Variants in ZFP69 observed in about 807,000 individuals in gnomAD.
The protein encoded by ZFP69 is ZFP69 zinc finger protein.
ZFP69 carries 35 observed loss-of-function variants against 48.9 expected under a neutral mutation model. The observed-to-expected ratio is 0.72, with a 90% confidence interval of 0.55 to 0.95. The LOEUF (loss-of-function observed/expected upper bound fraction) is 0.95. Among genes scored for constraint, ZFP69 ranks in the 40% least tolerant of loss-of-function variants. ZFP69 has a pLI of 0.00. For missense variants in ZFP69, 557 were observed against 638.4 expected (o/e 0.87, Z 1.37); for synonymous variants, 193 against 216.8 (o/e 0.89, Z 0.96).
intron 3 of ZFP69, among the ~76,000 whole-genome samples, chr1:40,483,434 T>G (rs1296704842): frequency 2.0e-5 from 3 of 151,984 alleles, no homozygotes; most frequent in Non-Finnish European, 4.4e-5. Context: ...CTTACTATGT[T>G]GTCCAACTGG....
chr1:40,490,952 G>A (rs1645561648), intron 5 of ZFP69: 6 of 152,178 alleles, frequency 3.9e-5, no homozygotes, highest in Admixed American at 2.0e-4. Context: ...CCTAGACTAA[G>A]AAATGAAACA....
At chr1:40,480,032 TGTG>T (rs1645428023) in intron 2 of ZFP69, among the ~76,000 whole-genome samples, 1 of 152,076 alleles carries the variant, frequency 6.6e-6, no homozygotes, top group Non-Finnish European at 1.5e-5. Flanking sequence ...ATGTGTCTCA[TGTG>T]GTGTTTTAAT....
chr1:40,479,587 G>C, intron 2 of ZFP69, 99 bp downstream of exon 2: 7,040 of 969,550 alleles, frequency 7.3e-3, no homozygotes, highest in Non-Finnish European at 8.6e-3. Context: ...GGGAGAGAAG[G>C]TCTCTGGGGG....
intron 4 of ZFP69, 48 bp downstream of exon 4, chr1:40,489,262 A>G (rs1645538388): frequency 6.3e-7 from 1 of 1,593,762 alleles, no homozygotes; most frequent in Admixed American, 1.8e-5. Context: ...ATTACAGGAG[A>G]GTCATTATTT....
chr1:40,481,048 C>G (rs751714545), intron 2 of ZFP69, among the ~76,000 whole-genome samples: 13 of 152,176 alleles, frequency 8.5e-5, no homozygotes, highest in Non-Finnish European at 1.9e-4. Context: ...ACCTCGTGAT[C>G]CACCTGCCTC....
intron 3 of ZFP69, among the ~76,000 whole-genome samples, chr1:40,488,589 C>T (rs1287311992): frequency 1.3e-5 from 2 of 152,224 alleles, no homozygotes; most frequent in Admixed American, 6.5e-5. Flanking sequence ...ATCAACCAGC[C>T]TACCTCCAGC....
At chr1:40,489,385 C>G in intron 4 of ZFP69, 144 bp from the exon 5 acceptor site, 1 of 1,116,886 alleles carries the variant, frequency 9.0e-7, no homozygotes, top group Admixed American at 2.6e-5. Context: ...TCTTGGGGAA[C>G]AACTTTACTA....
At chr1:40,483,398 TA>T (rs1264689388) in intron 3 of ZFP69, among the ~76,000 whole-genome samples, 1 of 151,560 alleles carries the variant, frequency 6.6e-6, no homozygotes, top group African/African-American at 2.4e-5. Flanking sequence ...CTTTGCCAAT[TA>T]AAAAAATGAC....
Position 40,495,780 on chromosome 1 carries a change from T to C in ZFP69, c.1302T>C (p.Thr434=). The change falls in exon 6 of 6, where the codon ACT becomes ACC. Residue 434 remains threonine, a synonymous_variant. Transcript: ENST00000372706. ...TAACACATCACCAGAGAATCCATAC[T>C]GGGGAGAGACCCTACAAATGTAAAG... ...AYLTHHQRIH[T]GERPYKCKEC... 1.2e-6 allele frequency: 2 copies of C among 1,614,206 alleles called. No individual in the cohort carries two copies. Among genetic ancestry groups the C allele is most frequent in the Non-Finnish European group, 1.7e-6 (2 of 1,180,016 alleles).
At chr1:40,489,454 A>G in intron 4 of ZFP69, 75 bp from the exon 5 acceptor site, 1 of 1,376,858 alleles carries the variant, frequency 7.3e-7, no homozygotes, top group Non-Finnish European at 1.0e-6. Flanking sequence ...TGAATACCAG[A>G]AGACTCAAAA....
Position 40,495,273 on chromosome 1 carries a change from C to CAAAACCA in ZFP69, c.796_797insAAACCAA (p.Ile266LysfsTer9). On this transcript the variant is annotated frameshift_variant, in exon 6 of 6. Coordinates refer to ENST00000372706, the MANE Select transcript of ZFP69 (RefSeq NM_001320179.2). LOFTEE classifies it high-confidence loss of function. ...ATTTGATTAATCATCCAACAAGTTA[C>CAAAACCA]ATAAGAACAAAAACCTATGAATGTA... is the stretch of plus-strand genomic sequence containing the variant. The CAAAACCA allele has an allele frequency of 6.2e-7, 1 of 1,613,938 alleles. No homozygotes were observed. The highest frequency in any genetic ancestry group is 1.1e-5 in the South Asian group (1 of 91,072).
chr1:40,495,392 G>A lies in ZFP69; in HGVS notation c.914G>A (p.Gly305Glu). 1 of 1,614,192 alleles carries A rather than the reference G, an allele frequency of 6.2e-7. No individual in the cohort carries two copies. Among genetic ancestry groups the A allele is most frequent in the Non-Finnish European group, 8.5e-7 (1 of 1,180,036 alleles). The change falls in exon 6 of 6, where the codon GGA (glycine) becomes GAA (glutamate). Residue 305 changes from glycine (G) to glutamate (E), a missense_variant. Transcript: ENST00000372706. The stretch of plus-strand genomic sequence containing the variant: ...AAACCTTTCAGATGTAAGGAATGTG[G>A]AAGGGCCTTTAGTCAAAGTGCATCC... Reference protein sequence around the residue: ...GEKPFRCKECGRAFSQSASLS... With the variant: ...GEKPFRCKECERAFSQSASLS...
intron 2 of ZFP69, among the ~76,000 whole-genome samples, 179 bp from the exon 3 acceptor site, chr1:40,481,584 A>G (rs1284595280): frequency 6.6e-6 from 1 of 152,170 alleles, no homozygotes; most frequent in Non-Finnish European, 1.5e-5. Context: ...TTAATGCCCA[A>G]AGCGACTTGC....
chr1:40,479,382 C>A lies in ZFP69; in HGVS notation c.21C>A (p.Ile7=), dbSNP rs755922042. 2 of 1,614,046 alleles carry A rather than the reference C, an allele frequency of 1.2e-6. No homozygotes were observed. Residue 7 remains isoleucine (I), a synonymous_variant, in exon 2 of 6, where the codon ATC becomes ATA. Coordinates refer to ENST00000372706, the MANE Select transcript of ZFP69 (RefSeq NM_001320179.2). MPQQLL[I]TLPTEASTWV... ...GCATCATGCCACAGCAGCTCCTGATCACCCTGCCTACCGAGGCCAGCACCT... is the reference window on the plus strand; with the variant it reads ...GCATCATGCCACAGCAGCTCCTGATAACCCTGCCTACCGAGGCCAGCACCT...
Position 40,479,565 on chromosome 1 carries a change from TGGAGAGAAGGAG to T in ZFP69, c.127+88_127+99del, listed in dbSNP as rs1396247056. ...AAGATAGGTACACACTTCATTGAAG[TGGAGAGAAGGAG>T]GGAGAGAAGGTCTCTGGGGGTTCAT... is the stretch of plus-strand genomic sequence containing the variant. On this transcript the variant is annotated intron_variant, in intron 2 of 5. Coordinates refer to ENST00000372706, the MANE Select transcript of ZFP69 (RefSeq NM_001320179.2). The T allele has an allele frequency of 3.4e-6, 5 of 1,467,630 alleles. No individual in the cohort carries two copies. The African/African-American group carries it at 5.7e-5, about 17-fold the overall frequency. The allele number at this position is 1,467,630 out of a possible 1,614,324, so 90.9% of individuals were successfully genotyped here.
Position 40,495,237 on chromosome 1 carries a change from A to G in ZFP69, c.759A>G (p.Thr253=). The change falls in exon 6 of 6, where the codon ACA becomes ACG. Residue 253 remains threonine, a synonymous_variant. Coordinates refer to ENST00000372706, the MANE Select transcript of ZFP69 (RefSeq NM_001320179.2). ...HKYDTPTKRN[T]YKLDLINHPT... ...ATGATACACCTACAAAGCGGAACAC[A>G]TACAAATTAGATTTGATTAATCATC... The G allele has an allele frequency of 3.7e-6, 6 of 1,614,122 alleles. No homozygotes were observed. In the Admixed American group the frequency reaches 8.3e-5, roughly 22 times the overall value.
intron 5 of ZFP69, chr1:40,493,692 C>T (rs1645592396): frequency 6.6e-6 from 1 of 152,124 alleles, no homozygotes; most frequent in Non-Finnish European, 1.5e-5. Context: ...CAGGGACCTG[C>T]AGAGCATAGA....
chr1:40,494,188 ATATTCT>A (rs1557557245), intron 5 of ZFP69, among the ~76,000 whole-genome samples: 2 of 149,630 alleles, frequency 1.3e-5, no homozygotes, highest in African/African-American at 4.9e-5. Flanking sequence ...AAAAATACTT[ATATTCT>A]TAAGTCATAG....
chr1:40,491,458 C>T (rs1645567268), intron 5 of ZFP69, among the ~76,000 whole-genome samples: 1 of 152,228 alleles, frequency 6.6e-6, no homozygotes, highest in African/African-American at 2.4e-5. Flanking sequence ...AAAGCAGTTA[C>T]ACCAGGTTAT....
Sources: allele counts gnomAD v4.1 joint callset (sites outside exome capture counted in the v4.1 genomes callset), GRCh38; gene constraint gnomAD v4.1.1; transcripts MANE v1.5; gene names NCBI Gene and HGNC (gene_info 2026-07-23, HGNC 2026-07-21).